The following ANKRD30B variants were observed in gnomAD, a reference collection of about 807,000 sequenced individuals.
ANKRD30B encodes the protein ankyrin repeat domain-containing protein 30B.
A neutral mutation model predicts 202.2 loss-of-function variants in ANKRD30B; 144 were observed. That is an observed-to-expected ratio of 0.71 (90% CI 0.62 to 0.82). The LOEUF (loss-of-function observed/expected upper bound fraction) is 0.82, where lower values mean the gene tolerates loss of function less well. Ranked by LOEUF, ANKRD30B falls within the 40% of genes least tolerant of loss-of-function variation. ANKRD30B has a pLI of 0.00. For synonymous variants in ANKRD30B, 508 were observed against 561.3 expected (o/e 0.91, Z 1.34); for missense variants, 1,487 against 1,669.1 (o/e 0.89, Z 1.90).
chr18:14,864,506 C>T, the ANKRD30B span, among the ~76,000 whole-genome samples: 1 of 151,996 alleles, frequency 6.6e-6, no homozygotes, highest in African/African-American at 2.4e-5. Context: ...TCCATCTACC[C>T]CAAAACTTTT....
chr18:14,924,517 G>A, the ANKRD30B span, among the ~76,000 whole-genome samples: 4 of 152,208 alleles, frequency 2.6e-5, no homozygotes, highest in Admixed American at 2.0e-4. Flanking sequence ...TCAGAGTTGT[G>A]GCATCTCAAG....
At chr18:14,900,599 C>G in the ANKRD30B span, among the ~76,000 whole-genome samples, 2 of 152,272 alleles carry the variant, frequency 1.3e-5, no homozygotes, top group East Asian at 3.9e-4. Flanking sequence ...AACTTTTATT[C>G]TCTCCTTTTT....
chr18:14,819,577 A>G (rs548401326), intron 30 of ANKRD30B, among the ~76,000 whole-genome samples: 28 of 152,338 alleles, frequency 1.8e-4, no homozygotes, highest in African/African-American at 6.3e-4. Flanking sequence ...AGCTTTCTAC[A>G]TATGGCTCGC....
At chr18:14,934,658 G>A in the ANKRD30B span, among the ~76,000 whole-genome samples, 1 of 152,130 alleles carries the variant, frequency 6.6e-6, no homozygotes, top group East Asian at 1.9e-4. Context: ...AGGGCATCTG[G>A]GGCTGGGTCA....
chr18:14,852,238 C>T lies in ANKRD30B; in HGVS notation c.4294C>T (p.Leu1432Phe), dbSNP rs1208698044. 3 of 1,567,318 alleles carry T rather than the reference C, an allele frequency of 1.9e-6. No individual in the cohort carries two copies. The highest frequency in any genetic ancestry group is 2.6e-6 in the Non-Finnish European group (3 of 1,155,448). ...TCAACTAGAAAGCAAAAATAGGTGG[C>T]TTCGACAGCAATTAGTTTATGCACA... ...LFQLESKNRW[L>F]RQQLVYAHKK... is the part of the protein sequence containing the mutation. Residue 1432 changes from leucine to phenylalanine, a missense_variant, in exon 42 of 44, where the codon CTT becomes TTT. Coordinates refer to ENST00000690538, the MANE Select transcript of ANKRD30B (RefSeq NM_001367607.2).
intron 15 of ANKRD30B, among the ~76,000 whole-genome samples, chr18:14,788,214 T>G (rs1198052900): frequency 2.0e-5 from 3 of 152,182 alleles, no homozygotes; most frequent in Non-Finnish European, 4.4e-5. Flanking sequence ...ATGTCATTTA[T>G]TTTTGATGAG....
At chr18:14,836,266 T>G (rs1427926287) in intron 34 of ANKRD30B, among the ~76,000 whole-genome samples, 1 of 152,148 alleles carries the variant, frequency 6.6e-6, no homozygotes, top group Non-Finnish European at 1.5e-5. Context: ...ATCATTTTTA[T>G]TTTTTTCTGA....
chr18:14,840,459 GT>G (rs1971370409), intron 36 of ANKRD30B, 128 bp from the exon 37 acceptor site: 1 of 329,744 alleles, frequency 3.0e-6, no homozygotes, highest in Non-Finnish European at 5.5e-6. Context: ...TAATTACTTG[GT>G]CTTTGGAGCC....
At chr18:14,886,510 G>A in the ANKRD30B span, among the ~76,000 whole-genome samples, 8 of 151,888 alleles carry the variant, frequency 5.3e-5, no homozygotes, top group Non-Finnish European at 1.2e-4. Context: ...ACTAAATATT[G>A]GTTTTGCCTA....
At chr18:14,832,247 A>C (rs1315072997) in intron 34 of ANKRD30B, among the ~76,000 whole-genome samples, 1 of 152,170 alleles carries the variant, frequency 6.6e-6, no homozygotes, top group Non-Finnish European at 1.5e-5. Context: ...TCTTTCTCAG[A>C]ATCTGTATTA....
chr18:14,752,756 A>G (rs1913661531), intron 2 of ANKRD30B, 76 bp downstream of exon 2: 2 of 1,534,698 alleles, frequency 1.3e-6, no homozygotes, highest in Admixed American at 4.0e-5. Flanking sequence ...TTTAGTTGAA[A>G]TACAACTAGT....
rs55960708 is a variant in ANKRD30B, at chr18:14,749,670, CAAAAAAAAAAAAAAAA to C, written c.221+1047_221+1062del. Among the ~76,000 whole-genome samples the C allele has an allele frequency of 1.5e-4, 9 of 61,192 alleles. No homozygotes were observed. In the East Asian group the frequency reaches 4.7e-3, roughly 32 times the overall value. The allele number at this position is 61,192 out of a possible 152,430, so 40.1% of individuals were successfully genotyped here. On this transcript the variant is annotated intron_variant, in intron 1 of 43. Coordinates refer to ENST00000690538, the MANE Select transcript of ANKRD30B (RefSeq NM_001367607.2). ...TAGGTGACAGAGTGAGACTCTGTCT[CAAAAAAAAAAAAAAAA>C]AAAAAAAAAAAAAAAATCACAGATT...
At chr18:14,845,209 C>T (rs1266088580) in intron 39 of ANKRD30B, among the ~76,000 whole-genome samples, 2 of 151,548 alleles carry the variant, frequency 1.3e-5, no homozygotes, top group African/African-American at 2.4e-5. Flanking sequence ...TTCTTCTAGG[C>T]TTTTTATGGT....
the ANKRD30B span, chr18:14,903,556 G>A: frequency 2.0e-5 from 3 of 152,298 alleles, no homozygotes; most frequent in African/African-American, 7.2e-5. Context: ...TAGATAATGA[G>A]CTAACAGGGA....
chr18:14,763,461 CGCTTGAGGTAGGAGAA>C, intron 6 of ANKRD30B, among the ~76,000 whole-genome samples: 1 of 151,936 alleles, frequency 6.6e-6, no homozygotes, highest in East Asian at 1.9e-4. Context: ...GTAGGAGAGT[CGCTTGAGGTAGGAGAA>C]TCGCTTGAAT....
chr18:14,827,394 TAA>T (rs988838736), intron 32 of ANKRD30B, among the ~76,000 whole-genome samples: 1 of 152,174 alleles, frequency 6.6e-6, no homozygotes, highest in Admixed American at 6.6e-5. Flanking sequence ...TCACAGAAAT[TAA>T]AGAGACCCAG....
chr18:14,858,984 T>G (rs1179320140), downstream of ANKRD30B, among the ~76,000 whole-genome samples: 1 of 74,016 alleles, frequency 1.4e-5, no homozygotes, highest in Non-Finnish European at 2.6e-5. Context: ...ACCTCCCAGA[T>G]GATGGGCAGC....
chr18:14,914,799 C>T, the ANKRD30B span, among the ~76,000 whole-genome samples: 24 of 152,060 alleles, frequency 1.6e-4, no homozygotes, highest in African/African-American at 3.9e-4. Context: ...GGGGGGTTGT[C>T]GTGTTTTAGG....
intron 41 of ANKRD30B, 130 bp downstream of exon 41, chr18:14,850,512 A>G (rs1348378666): frequency 1.0e-6 from 1 of 979,380 alleles, no homozygotes; most frequent in Non-Finnish European, 1.4e-6. Flanking sequence ...AAAATTAACT[A>G]TGACTTTTGT....
Sources: allele counts gnomAD v4.1 joint callset (sites outside exome capture counted in the v4.1 genomes callset), GRCh38; gene constraint gnomAD v4.1.1; transcripts MANE v1.5; gene names NCBI Gene and HGNC (gene_info 2026-07-23, HGNC 2026-07-21).